The following LINC00305 variants were observed in gnomAD, a reference collection of about 807,000 sequenced individuals.
LINC00305 encodes the protein long independently transcribed non-coding RNA 305, also known as long intergenic non-protein coding RNA 305.
intron 1 of LINC00305, among the ~76,000 whole-genome samples, chr18:64,103,232 TCTC>T (rs1479352320): frequency 1.3e-5 from 2 of 152,194 alleles, no homozygotes; most frequent in East Asian, 1.9e-4. Context: ...TTGCTACTAA[TCTC>T]CTCTGTCCTC....
intron 1 of LINC00305, among the ~76,000 whole-genome samples, chr18:64,119,041 A>G (rs529749236): frequency 6.6e-6 from 1 of 152,318 alleles, no homozygotes; most frequent in Admixed American, 6.5e-5. Context: ...AGAATCACAT[A>G]CAAGTATACA....
At chr18:64,117,790 C>G (rs1265889355) in intron 1 of LINC00305, among the ~76,000 whole-genome samples, 1 of 152,204 alleles carries the variant, frequency 6.6e-6, no homozygotes. Context: ...CATGTTTCCA[C>G]ACATTTGTTT....
intron 1 of LINC00305, among the ~76,000 whole-genome samples, chr18:64,099,281 A>T (rs1364200981): frequency 2.0e-5 from 3 of 152,148 alleles, no homozygotes; most frequent in Non-Finnish European, 4.4e-5. Flanking sequence ...TAAATTTGTG[A>T]TTTTAAACAT....
At chr18:64,108,252 G>A (rs1388259837) in intron 1 of LINC00305, among the ~76,000 whole-genome samples, 3 of 152,214 alleles carry the variant, frequency 2.0e-5, no homozygotes, top group Admixed American at 6.5e-5. Context: ...TTGCCAGCAT[G>A]CTAAGAACTT....
chr18:64,118,523 C>T (rs2051347679), intron 1 of LINC00305, among the ~76,000 whole-genome samples: 1 of 151,942 alleles, frequency 6.6e-6, no homozygotes, highest in South Asian at 2.1e-4. Flanking sequence ...ATAAAATCAA[C>T]CAAGACTTTA....
At chr18:64,093,090 C>T (rs78934716) in intron 3 of LINC00305, among the ~76,000 whole-genome samples, 3,793 of 152,202 alleles carry the variant, frequency 0.025, 78 homozygotes, top group Non-Finnish European at 0.04. Context: ...GGTGTCATAG[C>T]GAGTCTATAA....
At chr18:64,104,345 A>T (rs2051280482) in intron 1 of LINC00305, 1 of 152,212 alleles carries the variant, frequency 6.6e-6, no homozygotes, top group African/African-American at 2.4e-5. Context: ...GTATAAAGAA[A>T]TGTAGACATA....
intron 1 of LINC00305, among the ~76,000 whole-genome samples, chr18:64,104,738 G>C (rs917225425): frequency 3.3e-5 from 5 of 152,192 alleles, no homozygotes; most frequent in African/African-American, 1.2e-4. Context: ...GCAGTTCTCT[G>C]CTGCTTCTTC....
At chr18:64,108,541 G>T (rs566126972) in intron 1 of LINC00305, among the ~76,000 whole-genome samples, 2 of 152,144 alleles carry the variant, frequency 1.3e-5, no homozygotes, top group Non-Finnish European at 2.9e-5. Flanking sequence ...GTCACAGAAG[G>T]CCTCTTAGAG....
chr18:64,123,545 A>G (rs919575581), intron 1 of LINC00305, among the ~76,000 whole-genome samples: 5 of 152,102 alleles, frequency 3.3e-5, no homozygotes, highest in Non-Finnish European at 5.9e-5. Flanking sequence ...TAGCAGCAGT[A>G]CCTCAATACA....
intron 1 of LINC00305, among the ~76,000 whole-genome samples, chr18:64,142,677 C>T (rs143337208): frequency 3.3e-5 from 5 of 152,164 alleles, no homozygotes; most frequent in Admixed American, 6.5e-5. Flanking sequence ...TGGCCACCCG[C>T]GCCCTATTCC....
chr18:64,114,122 T>C (rs1482932490), intron 1 of LINC00305, among the ~76,000 whole-genome samples: 1 of 151,960 alleles, frequency 6.6e-6, no homozygotes, highest in South Asian at 2.1e-4. Flanking sequence ...ACAAAAAAAT[T>C]AGCCGGGCGT....
chr18:64,131,164 G>A (rs376687517), intron 1 of LINC00305, among the ~76,000 whole-genome samples: 5 of 152,068 alleles, frequency 3.3e-5, no homozygotes, highest in Admixed American at 6.6e-5. Flanking sequence ...GAAATAATAC[G>A]TTCATCAATT....
chr18:64,142,863 A>C (rs1242938974), intron 1 of LINC00305, among the ~76,000 whole-genome samples: 3 of 152,190 alleles, frequency 2.0e-5, no homozygotes, highest in Admixed American at 6.5e-5. Flanking sequence ...CATGCCATAG[A>C]ATAACGCCAA....
At chr18:64,111,621 C>T (rs1300914795) in intron 1 of LINC00305, among the ~76,000 whole-genome samples, 1 of 137,602 alleles carries the variant, frequency 7.3e-6, no homozygotes, top group African/African-American at 2.9e-5. Flanking sequence ...AGTGTCTTAA[C>T]CTCTAGCCCT....
chr18:64,101,158 C>T (rs769676288), intron 1 of LINC00305, among the ~76,000 whole-genome samples: 1 of 152,126 alleles, frequency 6.6e-6, no homozygotes, highest in Non-Finnish European at 1.5e-5. Flanking sequence ...TTATGATCAC[C>T]TCAGTTCAGG....
intron 3 of LINC00305, among the ~76,000 whole-genome samples, chr18:64,090,655 C>A (rs1240235820): frequency 6.6e-6 from 1 of 152,164 alleles, no homozygotes; most frequent in African/African-American, 2.4e-5. Context: ...GATAATTGTA[C>A]TGAAATATGA....
intron 1 of LINC00305, among the ~76,000 whole-genome samples, chr18:64,118,841 T>C (rs982214818): frequency 4.5e-5 from 6 of 133,610 alleles, no homozygotes; most frequent in Middle Eastern, 4.0e-3. Context: ...TGTGTGTGTG[T>C]GTGTGTGTGT....
chr18:64,128,607 G>A lies in LINC00305; in HGVS notation n.314+20168C>T, dbSNP rs536472016. Among the ~76,000 whole-genome samples, 142 of 152,144 alleles carry A rather than the reference G, an allele frequency of 9.3e-4. 1 individual carries two copies. The highest frequency in any genetic ancestry group is 3.3e-3 in the African/African-American group (138 of 41,526). On this transcript the variant is annotated intron_variant and non_coding_transcript_variant, in intron 1 of 3. Coordinates refer to ENST00000666468, the Ensembl canonical transcript of LINC00305. The stretch of plus-strand genomic sequence containing the variant: ...GCTGGGAGAAATTCTCTGAATTTAT[G>A]ATTTATTTGCTCTTCTGGTCACAGG...
Sources: allele counts gnomAD v4.1 joint callset (sites outside exome capture counted in the v4.1 genomes callset), GRCh38; gene constraint gnomAD v4.1.1; transcripts MANE v1.5; gene names NCBI Gene and HGNC (gene_info 2026-07-23, HGNC 2026-07-21).